Variants in GRB2 observed in about 807,000 individuals in gnomAD.
GRB2 encodes growth factor receptor bound protein 2, also known as growth factor receptor-bound protein 2.
In GRB2, 2 loss-of-function variants were observed where a neutral mutation model predicts 27.4. The ratio of observed to expected loss-of-function variants is 0.07; its 90% CI spans 0.03 to 0.23. GRB2 has a LOEUF of 0.23. Among genes scored for constraint, GRB2 ranks in the 10% least tolerant of loss-of-function variants. GRB2 has a pLI of 1.00. For missense variants in GRB2, 102 were observed against 282.4 expected (o/e 0.36, Z 4.58); for synonymous variants, 94 against 99.6 (o/e 0.94, Z 0.33).
chr17:75,378,578 T>C lies in GRB2; in HGVS notation c.78+14973A>G, dbSNP rs574034876. 3.3e-5 allele frequency among the ~76,000 whole-genome samples: 5 copies of C among 152,254 alleles called. No homozygotes were observed. In the South Asian group the frequency reaches 1.0e-3, roughly 31 times the overall value. On this transcript the variant is annotated intron_variant, in intron 2 of 5. Transcript: ENST00000316804. ...TGAACGTACAACACTAACAAACTCA[T>C]AGCTAAATATGAAAATTACTACTAA...
intron 2 of GRB2, among the ~76,000 whole-genome samples, chr17:75,339,972 T>A (rs1157105630): frequency 6.6e-6 from 1 of 152,232 alleles, no homozygotes; most frequent in Non-Finnish European, 1.5e-5. Flanking sequence ...AAGGTGTCAT[T>A]TAGAAAAATG....
rs548349066 is a variant in GRB2, at chr17:75,393,362, A to G, written c.78+189T>C. 28 of 610,024 alleles carry G rather than the reference A, an allele frequency of 4.6e-5. No individual in the cohort carries two copies. The African/African-American group carries it at 4.8e-4, about 10-fold the overall frequency. 37.8% of individuals were successfully genotyped at this position (610,024 alleles called of 1,614,324 possible). A position where few individuals can be genotyped will look rare whatever the true frequency, so the allele number is the denominator to read the frequency against. ...ACACAAAGGCAGTTAAACACCACAC[A>G]TCACACCAACTCACTTAAGTCATAT... is the stretch of plus-strand genomic sequence containing the variant. On this transcript the variant is annotated intron_variant, in intron 2 of 5. Coordinates refer to ENST00000316804, the MANE Select transcript of GRB2 (RefSeq NM_002086.5).
At chr17:75,330,436 T>C (rs542000251) in intron 3 of GRB2, among the ~76,000 whole-genome samples, 11 of 150,504 alleles carry the variant, frequency 7.3e-5, no homozygotes, top group African/African-American at 2.4e-4. Context: ...TGCGGTGGCT[T>C]ACACCTGTAA....
At chr17:75,346,503 CAA>C (rs1396059428) in intron 2 of GRB2, among the ~76,000 whole-genome samples, 2 of 148,684 alleles carry the variant, frequency 1.3e-5, no homozygotes, top group East Asian at 2.0e-4. Flanking sequence ...CTCCAAAAAA[CAA>C]AGACAGGTAT....
intron 2 of GRB2, among the ~76,000 whole-genome samples, chr17:75,333,965 T>G (rs1947183756): frequency 6.6e-6 from 1 of 152,114 alleles, no homozygotes. Context: ...CAATGCTGCC[T>G]CTTGAATTGC....
chr17:75,318,996 C>A lies in GRB2; in HGVS notation c.*1372G>T, dbSNP rs898059897. ...GAGACGGTGAGGACAGGCTTCCGAC[C>A]CCCCTGTAAGCCAGATCCAGTGGGA... On this transcript the variant is annotated 3_prime_UTR_variant, in exon 6 of 6. Coordinates refer to ENST00000316804, the MANE Select transcript of GRB2 (RefSeq NM_002086.5). 1 of 152,422 alleles carries A rather than the reference C, an allele frequency of 6.6e-6. No homozygotes were observed. The highest frequency in any genetic ancestry group is 6.6e-5 in the Admixed American group (1 of 15,234). 9.4% of individuals were successfully genotyped at this position (152,422 alleles called of 1,614,324 possible).
intron 2 of GRB2, among the ~76,000 whole-genome samples, chr17:75,346,313 G>A (rs1275744376): frequency 6.6e-6 from 1 of 151,958 alleles, no homozygotes; most frequent in Non-Finnish European, 1.5e-5. Context: ...GGCCAACATG[G>A]TAAAACCCTG....
At chr17:75,325,099 G>A (rs923848716) in intron 4 of GRB2, among the ~76,000 whole-genome samples, 2 of 151,866 alleles carry the variant, frequency 1.3e-5, no homozygotes, top group Non-Finnish European at 2.9e-5. Flanking sequence ...AAAATAAAAG[G>A]AAAATGGTTT....
chr17:75,381,382 A>G (rs191980587), intron 2 of GRB2, among the ~76,000 whole-genome samples: 53 of 152,278 alleles, frequency 3.5e-4, no homozygotes, highest in African/African-American at 1.3e-3. Flanking sequence ...AAAATAATCT[A>G]TTCTTTTTCC....
At chr17:75,343,251 C>T (rs1231089004) in intron 2 of GRB2, among the ~76,000 whole-genome samples, 1 of 151,950 alleles carries the variant, frequency 6.6e-6, no homozygotes, top group Non-Finnish European at 1.5e-5. Context: ...GTCTGCCTGT[C>T]TGACTTGTGA....
intron 2 of GRB2, 46 bp from the exon 3 acceptor site, chr17:75,332,843 C>A: frequency 8.0e-7 from 1 of 1,244,366 alleles, no homozygotes; most frequent in Non-Finnish European, 1.2e-6. Flanking sequence ...TTTCCTTTTC[C>A]CTTTAAAAAG....
chr17:75,375,857 C>G (rs1424700314), intron 2 of GRB2, among the ~76,000 whole-genome samples: 1 of 151,680 alleles, frequency 6.6e-6, no homozygotes, highest in Non-Finnish European at 1.5e-5. Flanking sequence ...AACCCTGTAT[C>G]TACTAAAAAT....
At chr17:75,397,238 A>C (rs1184566988) in intron 1 of GRB2, among the ~76,000 whole-genome samples, 1 of 152,226 alleles carries the variant, frequency 6.6e-6, no homozygotes, top group Non-Finnish European at 1.5e-5. Flanking sequence ...GGTGTGTTTC[A>C]GTAAAGACAA....
chr17:75,346,909 C>A (rs2078659221), intron 2 of GRB2, among the ~76,000 whole-genome samples: 3 of 152,094 alleles, frequency 2.0e-5, no homozygotes, highest in Admixed American at 2.0e-4. Context: ...CAGGCTCCCT[C>A]ACTCTCTGGC....
Position 75,347,808 on chromosome 17 carries a change from C to G in GRB2, c.79-15011G>C, listed in dbSNP as rs144671717. On this transcript the variant is annotated intron_variant, in intron 2 of 5. Coordinates refer to ENST00000316804, the MANE Select transcript of GRB2 (RefSeq NM_002086.5). ...TGGAGGTCCCCAGCTGGAGTCAACA[C>G]CTTGCAAATAGTCTCATTATTAAAA... Among the ~76,000 whole-genome samples the G allele has an allele frequency of 1.3e-5, 2 of 152,266 alleles. 1 individual carries two copies. The highest frequency in any genetic ancestry group is 3.9e-4 in the East Asian group (2 of 5,180).
chr17:75,338,688 G>GT (rs11318650), intron 2 of GRB2: 209 of 409,680 alleles, frequency 5.1e-4, no homozygotes, highest in Middle Eastern at 1.5e-3. Context: ...TTGTTTTTTG[G>GT]TTTTTTTTTG....
At chr17:75,386,887 C>T (rs2078967161) in intron 2 of GRB2, among the ~76,000 whole-genome samples, 1 of 152,082 alleles carries the variant, frequency 6.6e-6, no homozygotes, top group Non-Finnish European at 1.5e-5. Flanking sequence ...TTAAGAATGC[C>T]GATCTTGGCC....
At chr17:75,377,155 G>T (rs1414525764) in intron 2 of GRB2, among the ~76,000 whole-genome samples, 1 of 151,746 alleles carries the variant, frequency 6.6e-6, no homozygotes. Context: ...AATATTAAAA[G>T]TTACATTTTT....
At chr17:75,397,254 A>T (rs993418016) in intron 1 of GRB2, among the ~76,000 whole-genome samples, 53 of 152,332 alleles carry the variant, frequency 3.5e-4, no homozygotes, top group African/African-American at 1.1e-3. Context: ...GACAAAAAAA[A>T]ATCTAACACA....
Sources: gnomAD v4.1 joint callset for allele counts (sites outside exome capture counted in the v4.1 genomes callset) on GRCh38, gnomAD v4.1.1 for gene constraint, MANE v1.5 for transcripts, NCBI Gene and HGNC (gene_info 2026-07-23, HGNC 2026-07-21) for gene names.